Variants in DYDC2 observed in about 807,000 individuals in gnomAD.
DYDC2 encodes DPY30 domain-containing protein 2.
DYDC2 carries 19 observed loss-of-function variants against 18.7 expected under a neutral mutation model. The observed-to-expected ratio is 1.02, with a 90% CI of 0.71 to 1.49. The LOEUF is 1.49. Ranked by LOEUF, DYDC2 falls within the 40% of genes most tolerant of loss-of-function variation. The pLI is 0.00. For missense variants in DYDC2, 179 were observed against 205.1 expected, an observed-to-expected ratio of 0.87 and a Z score of 0.78; for synonymous variants, 63 against 67.6, an observed-to-expected ratio of 0.93 and a Z score of 0.34.
intron 4 of DYDC2, among the ~76,000 whole-genome samples, chr10:80,363,431 G>T (rs1328826904): frequency 7.5e-6 from 1 of 132,988 alleles, no homozygotes; most frequent in Non-Finnish European, 1.5e-5. Flanking sequence ...TACAGCCTCT[G>T]CCTCCTGGGT....
At chr10:80,348,612 GT>G (rs767473702) in intron 1 of DYDC2, among the ~76,000 whole-genome samples, 18 of 152,180 alleles carry the variant, frequency 1.2e-4, no homozygotes, top group Non-Finnish European at 2.2e-4. Context: ...AGGCCTCAAC[GT>G]AAGTGCAAAG....
At chr10:80,362,861 C>T (rs1014505825) in intron 3 of DYDC2, 90 bp from the exon 4 acceptor site, 1 of 1,504,128 alleles carries the variant, frequency 6.6e-7, no homozygotes, top group African/African-American at 1.4e-5. Context: ...CCCAAAGAGC[C>T]CACAGCCCAT....
chr10:80,347,178 A>G (rs1443532452), intron 1 of DYDC2, among the ~76,000 whole-genome samples: 1 of 150,628 alleles, frequency 6.6e-6, no homozygotes, highest in African/African-American at 2.4e-5. Flanking sequence ...GGTGTTGAAC[A>G]TTACTTGTCA....
chr10:80,363,488 G>A (rs1316088061), intron 4 of DYDC2, among the ~76,000 whole-genome samples: 1 of 149,384 alleles, frequency 6.7e-6, no homozygotes, highest in Non-Finnish European at 1.5e-5. Flanking sequence ...GGGACTACAG[G>A]CACATGCCAC....
chr10:80,359,941 C>T (rs903715936), intron 2 of DYDC2, among the ~76,000 whole-genome samples: 2 of 152,220 alleles, frequency 1.3e-5, no homozygotes, highest in Non-Finnish European at 2.9e-5. Context: ...CACAGTGCAG[C>T]GGCGGGCTGA....
At chr10:80,360,973 T>G (rs1039714524) in intron 2 of DYDC2, among the ~76,000 whole-genome samples, 15 of 151,964 alleles carry the variant, frequency 9.9e-5, no homozygotes, top group African/African-American at 2.9e-4. Context: ...GGGTTTTGCC[T>G]TGTTGCCCAG....
chr10:80,362,991 G>A lies in DYDC2; in HGVS notation c.188G>A (p.Ser63Asn). ...ATCCACCTGCAGGAGGAATATGACAGTAGCCTCAAGGAAATGGAAATGACA... is the reference window on the plus strand; with the variant it reads ...ATCCACCTGCAGGAGGAATATGACAATAGCCTCAAGGAAATGGAAATGACA... Reference protein sequence around the residue: ...KKIHLQEEYDSSLKEMEMTEM... With the variant: ...KKIHLQEEYDNSLKEMEMTEM... Residue 63 changes from serine to asparagine, a missense_variant, in exon 4 of 5, where the codon AGT (serine) becomes AAT (asparagine). Coordinates refer to ENST00000256039, the MANE Select transcript of DYDC2 (RefSeq NM_032372.6). The A allele has an allele frequency of 6.2e-7, 1 of 1,614,004 alleles. No homozygotes were observed. The highest frequency in any genetic ancestry group is 2.2e-5 in the East Asian group (1 of 44,874).
At chr10:80,350,600 C>T (rs938199666) in intron 1 of DYDC2, among the ~76,000 whole-genome samples, 1 of 152,160 alleles carries the variant, frequency 6.6e-6, no homozygotes, top group African/African-American at 2.4e-5. Flanking sequence ...AAGGGGCCTG[C>T]AGTTTTCTAC....
At position 80,367,074 on chromosome 10, in the gene DYDC2, T is replaced by C; in HGVS notation, c.*123T>C. The C allele has an allele frequency of 8.3e-7, 1 of 1,201,012 alleles. No individual in the cohort carries two copies. Among genetic ancestry groups the C allele is most frequent in the Non-Finnish European group, 1.2e-6 (1 of 865,708 alleles). 74.4% of individuals were successfully genotyped at this position (1,201,012 alleles called of 1,614,324 possible). On this transcript the variant is annotated 3_prime_UTR_variant, in exon 5 of 5. Transcript: ENST00000256039. Reference sequence around the variant, plus strand: ...GTTCAGGGACTCTCCAGCCTACTCCTTTTCTGAAAAACCCTTAATCATGTG... The same window carrying C: ...GTTCAGGGACTCTCCAGCCTACTCCCTTTCTGAAAAACCCTTAATCATGTG...
chr10:80,352,034 T>C (rs765419193), upstream of DYDC2: 2 of 1,602,392 alleles, frequency 1.2e-6, no homozygotes, highest in South Asian at 2.2e-5. Flanking sequence ...AGCACACGAC[T>C]TCTTAGCGAG....
At chr10:80,351,585 CA>C (rs1319266352) in intron 1 of DYDC2, among the ~76,000 whole-genome samples, 1 of 152,118 alleles carries the variant, frequency 6.6e-6, no homozygotes, top group Admixed American at 6.6e-5. Flanking sequence ...ACTCAGATCT[CA>C]CCAAAACAGT....
In DYDC2 at chr10:80,367,257, G is replaced by A. The variant is rs1458493255; in HGVS notation, c.*306G>A. The A allele has an allele frequency of 4.3e-6, 1 of 231,688 alleles. No individual in the cohort carries two copies. The highest frequency in any genetic ancestry group is 8.3e-6 in the Non-Finnish European group (1 of 120,990). The allele number at this position is 231,688 out of a possible 1,614,324, so 14.4% of individuals were successfully genotyped here. A position where few individuals can be genotyped will look rare whatever the true frequency, so the allele number is the denominator to read the frequency against. On this transcript the variant is annotated 3_prime_UTR_variant, in exon 5 of 5. Transcript: ENST00000256039. ...GTGATCAGACCCAACACCCGGCCAT[G>A]GGGGCTACAAAGTCCAGCCGAGTCA...
At chr10:80,359,546 T>C (rs997216055) in intron 2 of DYDC2, among the ~76,000 whole-genome samples, 46 of 152,048 alleles carry the variant, frequency 3.0e-4, no homozygotes, top group African/African-American at 1.1e-3. Flanking sequence ...CGCGGAGCAG[T>C]GGGTGGCGCT....
intron 2 of DYDC2, among the ~76,000 whole-genome samples, chr10:80,359,555 C>T (rs953193164): frequency 6.6e-6 from 1 of 152,174 alleles, no homozygotes; most frequent in African/African-American, 2.4e-5. Flanking sequence ...GTGGGTGGCG[C>T]TCATCAGGGA....
intron 1 of DYDC2, among the ~76,000 whole-genome samples, chr10:80,351,354 C>T (rs1842960975): frequency 6.6e-6 from 1 of 152,136 alleles, no homozygotes; most frequent in African/African-American, 2.4e-5. Flanking sequence ...CACTCTATTT[C>T]CTAATGTCAC....
At chr10:80,355,539 T>C (rs570237820), upstream of DYDC2, among the ~76,000 whole-genome samples, 4 of 152,220 alleles carry the variant, frequency 2.6e-5, no homozygotes, top group South Asian at 4.2e-4. Flanking sequence ...CACACAGTTA[T>C]TTGCAGCATT....
chr10:80,345,370 T>C (rs1455343642), intron 1 of DYDC2, among the ~76,000 whole-genome samples: 2 of 152,206 alleles, frequency 1.3e-5, no homozygotes, highest in Non-Finnish European at 2.9e-5. Context: ...TAGTGAATGC[T>C]TACCACAGGT....
At chr10:80,358,590 G>A (rs1312709412) in intron 2 of DYDC2, among the ~76,000 whole-genome samples, 1 of 152,292 alleles carries the variant, frequency 6.6e-6, no homozygotes, top group Non-Finnish European at 1.5e-5. Context: ...GCCACCCCCT[G>A]ACTAGAGAAT....
At chr10:80,361,229 T>C (rs1424315671) in intron 2 of DYDC2, among the ~76,000 whole-genome samples, 7 of 152,240 alleles carry the variant, frequency 4.6e-5, no homozygotes, top group Non-Finnish European at 8.8e-5. Flanking sequence ...ATTTATTTGA[T>C]GTTTCTTCAA....
Sources: allele counts gnomAD v4.1 joint callset (sites outside exome capture counted in the v4.1 genomes callset), GRCh38; gene constraint gnomAD v4.1.1; transcripts MANE v1.5; gene names NCBI Gene and HGNC (gene_info 2026-07-23, HGNC 2026-07-21).